The following CPHXL2 variants were observed in gnomAD, a reference collection of about 807,000 sequenced individuals.
CPHXL2 encodes the protein cytoplasmic polyadenylated homeobox like 2.
At chr16:75,667,798 A>G in the CPHXL2 span, among the ~76,000 whole-genome samples, 2 of 152,232 alleles carry the variant, frequency 1.3e-5, no homozygotes, top group Non-Finnish European at 2.9e-5. Context: ...CATGTGAAAC[A>G]TGTGTCCAAA....
the CPHXL2 span, chr16:75,669,655 G>A: frequency 4.0e-4 from 157 of 396,964 alleles, no homozygotes; most frequent in African/African-American, 2.9e-3. Context: ...CCCTTCCCAA[G>A]TTGAAATCCA....
chr16:75,666,944 A>G, the CPHXL2 span, among the ~76,000 whole-genome samples: 54 of 152,324 alleles, frequency 3.5e-4, no homozygotes, highest in African/African-American at 1.3e-3. Context: ...AAACCATGCA[A>G]ATATATGGAA....
the CPHXL2 span, among the ~76,000 whole-genome samples, chr16:75,663,167 C>T: frequency 6.6e-5 from 10 of 152,302 alleles, 1 homozygote; most frequent in South Asian, 2.1e-3. Context: ...AGGAACCTCT[C>T]ATTTTTATAT....
the CPHXL2 span, among the ~76,000 whole-genome samples, chr16:75,668,721 A>C: frequency 3.3e-5 from 5 of 152,216 alleles, no homozygotes; most frequent in African/African-American, 4.8e-5. Context: ...CAAATGCTAC[A>C]TAAGTAGTTC....
the CPHXL2 span, among the ~76,000 whole-genome samples, chr16:75,673,747 C>T: frequency 4.0e-5 from 6 of 150,868 alleles, no homozygotes; most frequent in South Asian, 1.0e-3. Context: ...GGAGGCCAAG[C>T]GGGGGCGAAT....
the CPHXL2 span, among the ~76,000 whole-genome samples, chr16:75,671,361 CAAA>C: frequency 6.3e-5 from 8 of 126,382 alleles, no homozygotes; most frequent in East Asian, 4.5e-4. Flanking sequence ...GACTCTGTAT[CAAA>C]AAAAAAAAAA....
the CPHXL2 span, chr16:75,676,932 T>C: frequency 9.9e-4 from 395 of 398,556 alleles, no homozygotes; most frequent in African/African-American, 6.7e-3. Context: ...CTCATTTTCA[T>C]GGAAACAGTC....
At chr16:75,673,553 G>A in the CPHXL2 span, among the ~76,000 whole-genome samples, 1 of 152,054 alleles carries the variant, frequency 6.6e-6, no homozygotes, top group Non-Finnish European at 1.5e-5. Context: ...AGGTCCAGAA[G>A]CCATTAAACC....
chr16:75,670,419 T>C, the CPHXL2 span, among the ~76,000 whole-genome samples: 1 of 152,200 alleles, frequency 6.6e-6, no homozygotes, highest in African/African-American at 2.4e-5. Flanking sequence ...CTGAGTTCCA[T>C]GAGTGTAGCT....
At chr16:75,662,826 T>A in the CPHXL2 span, among the ~76,000 whole-genome samples, 1 of 139,500 alleles carries the variant, frequency 7.2e-6, no homozygotes, top group African/African-American at 2.7e-5. Flanking sequence ...TGAGACGGAG[T>A]CTCGCTCTGT....
At chr16:75,664,160 T>G in the CPHXL2 span, among the ~76,000 whole-genome samples, 1 of 152,226 alleles carries the variant, frequency 6.6e-6, no homozygotes, top group African/African-American at 2.4e-5. Context: ...ACATCTTACA[T>G]GTATCGACTG....
chr16:75,675,025 C>T, the CPHXL2 span, among the ~76,000 whole-genome samples: 1 of 150,810 alleles, frequency 6.6e-6, no homozygotes, highest in Admixed American at 6.6e-5. Flanking sequence ...CCCGTCTCTA[C>T]TAAAAATACA....
At chr16:75,675,165 G>C in the CPHXL2 span, among the ~76,000 whole-genome samples, 1 of 150,304 alleles carries the variant, frequency 6.7e-6, no homozygotes. Context: ...CTCCAGGCTG[G>C]GTGACAGAGT....
the CPHXL2 span, among the ~76,000 whole-genome samples, chr16:75,665,021 C>G: frequency 0.15 from 23,232 of 152,112 alleles, 3,435 homozygotes; most frequent in African/African-American, 0.39. Flanking sequence ...ACAGAAAAGG[C>G]ACTAGGAGAG....
chr16:75,660,532 G>A, the CPHXL2 span: 3 of 398,528 alleles, frequency 7.5e-6, no homozygotes, highest in Non-Finnish European at 1.3e-5. Context: ...GAGTCCATTG[G>A]CAGCTGTTCC....
the CPHXL2 span, among the ~76,000 whole-genome samples, chr16:75,665,081 G>C: frequency 6.6e-6 from 1 of 152,166 alleles, no homozygotes; most frequent in Non-Finnish European, 1.5e-5. Flanking sequence ...GCGCTCATGA[G>C]AGTCTAACCA....
the CPHXL2 span, among the ~76,000 whole-genome samples, chr16:75,665,548 C>G: frequency 3.9e-5 from 6 of 152,160 alleles, no homozygotes; most frequent in Non-Finnish European, 5.9e-5. Context: ...ATAAATCTCA[C>G]AGGACCTATA....
the CPHXL2 span, among the ~76,000 whole-genome samples, chr16:75,675,945 G>A: frequency 6.6e-6 from 1 of 152,108 alleles, no homozygotes; most frequent in Admixed American, 6.6e-5. Flanking sequence ...TGGGTGTGGT[G>A]GTGGGCGTCT....
chr16:75,670,597 C>T, the CPHXL2 span, among the ~76,000 whole-genome samples: 2 of 152,170 alleles, frequency 1.3e-5, no homozygotes, highest in African/African-American at 4.8e-5. Context: ...CAACGTCCAC[C>T]TCCTGGGTTC....
Sources: gnomAD v4.1 joint callset for allele counts (sites outside exome capture counted in the v4.1 genomes callset) on GRCh38, gnomAD v4.1.1 for gene constraint, MANE v1.5 for transcripts, NCBI Gene and HGNC (gene_info 2026-07-23, HGNC 2026-07-21) for gene names.